ZNF493: variants seen among roughly 807,000 people sequenced by gnomAD.
ZNF493 encodes the protein zinc finger protein 493.
In ZNF493, 11 loss-of-function variants were observed where a neutral mutation model predicts 12.2. The ratio of observed to expected loss-of-function variants is 0.90; its 90% CI spans 0.57 to 1.50. The LOEUF is 1.50. Among genes scored for constraint, ZNF493 ranks in the 40% most tolerant of loss-of-function variants. The pLI is 0.00. For missense variants in ZNF493, 950 were observed against 906.6 expected (o/e 1.05, Z -0.61); for synonymous variants, 286 against 302.6 (o/e 0.95, Z 0.57).
chr19:21,402,564 G>T (rs967719211), intron 1 of ZNF493, among the ~76,000 whole-genome samples: 1 of 152,138 alleles, frequency 6.6e-6, no homozygotes, highest in Non-Finnish European at 1.5e-5. Flanking sequence ...CTTAGAATCT[G>T]CACATAGGGT....
At chr19:21,410,536 C>G (rs1041901666) in intron 3 of ZNF493, among the ~76,000 whole-genome samples, 1 of 151,956 alleles carries the variant, frequency 6.6e-6, no homozygotes, top group African/African-American at 2.4e-5. Context: ...ATTATTTGCT[C>G]ATCTATAAAT....
chr19:21,408,710 G>A (rs1040478180), intron 3 of ZNF493: 10 of 984,996 alleles, frequency 1.0e-5, no homozygotes, highest in African/African-American at 1.7e-5. Context: ...TTTTGGTTAT[G>A]TATTATAATT....
intron 3 of ZNF493, chr19:21,413,089 A>G (rs2030376232): frequency 6.9e-6 from 2 of 290,738 alleles, no homozygotes; most frequent in Non-Finnish European, 6.6e-6. Context: ...CCCTTAGGAG[A>G]CCAGCTAATA....
chr19:21,405,177 T>A lies in ZNF493; in HGVS notation c.79T>A (p.Trp27Arg), dbSNP rs1279561189. The change falls in exon 2 of 4, where the codon TGG becomes AGG. Residue 27 changes from tryptophan (W) to arginine (R), a missense_variant. Coordinates refer to ENST00000392288, the MANE Select transcript of ZNF493 (RefSeq NM_001076678.3). ...DVAIEFSLEE[W>R]QCLDTAQQDL... ...GGCCATAGAATTCTCTCTGGAGGAG[T>A]GGCAATGCCTGGACACTGCTCAGCA... 1.2e-6 allele frequency: 2 copies of A among 1,613,892 alleles called. No homozygotes were observed. Among genetic ancestry groups the A allele is most frequent in the Non-Finnish European group, 1.7e-6 (2 of 1,179,984 alleles).
In ZNF493 at chr19:21,423,087, A is replaced by G. The variant is rs778335464; in HGVS notation, c.428A>G (p.Asn143Ser). The G allele has an allele frequency of 2.8e-5, 45 of 1,613,652 alleles. No individual in the cohort carries two copies. Among genetic ancestry groups the G allele is most frequent in the Non-Finnish European group, 5.9e-6 (7 of 1,179,856 alleles). The change falls in exon 4 of 4, where the codon AAC becomes AGC. Residue 143 changes from asparagine to serine, a missense_variant. Physicochemically the swap from Asn to Ser is conservative, Grantham distance 46. Transcript: ENST00000392288. ...CACAAAGAAGGTTATAATGAACTAA[A>G]CCAGTATTTGACAACTACCCAGAGC... ...NVHKEGYNEL[N>S]QYLTTTQSKI...
At chr19:21,422,423 C>CTTTCTTTATTTA (rs1555731797) in intron 3 of ZNF493, among the ~76,000 whole-genome samples, 1 of 129,494 alleles carries the variant, frequency 7.7e-6, no homozygotes, top group Non-Finnish European at 1.6e-5. Flanking sequence ...CAAGTTACTT[C>CTTTCTTTATTTA]TTTATTTATT....
intron 3 of ZNF493, among the ~76,000 whole-genome samples, chr19:21,406,360 G>C (rs1336860260): frequency 6.7e-6 from 1 of 150,272 alleles, no homozygotes; most frequent in South Asian, 2.1e-4. Flanking sequence ...TTTTTTTGTT[G>C]TTCTTTTTCT....
intron 1 of ZNF493, among the ~76,000 whole-genome samples, chr19:21,403,671 T>TA (rs781281733): frequency 1.4e-4 from 21 of 152,176 alleles, no homozygotes; most frequent in Admixed American, 2.6e-4. Flanking sequence ...TTTTTTCAGC[T>TA]AAATATGTCT....
rs984699764 is a variant in ZNF493 at position 21,405,131 on chromosome 19, G to A, written c.33G>A (p.Gly11=). 1.2e-6 allele frequency: 2 copies of A among 1,612,440 alleles called. No individual in the cohort carries two copies. The highest frequency in any genetic ancestry group is 1.7e-6 in the Non-Finnish European group (2 of 1,179,484). The change falls in exon 2 of 4, where the codon GGG becomes GGA. Residue 11 remains glycine (G), a splice_region_variant and synonymous_variant. Coordinates refer to ENST00000392288, the MANE Select transcript of ZNF493 (RefSeq NM_001076678.3). The part of the protein sequence containing the change: MPGPPESLDM[G]PLTFRDVAIE... ...GTGTTTGTGTGTGTTTGTTTCAGGG[G>A]CCGTTGACATTTAGGGATGTGGCCA... is the stretch of plus-strand genomic sequence containing the variant.
At chr19:21,400,928 T>G (rs565012978) in intron 1 of ZNF493, among the ~76,000 whole-genome samples, 1 of 152,352 alleles carries the variant, frequency 6.6e-6, no homozygotes, top group East Asian at 1.9e-4. Flanking sequence ...CCTCTCTTCC[T>G]GTCTGAATGC....
chr19:21,399,690 G>T (rs1974230454), intron 1 of ZNF493, among the ~76,000 whole-genome samples: 1 of 152,090 alleles, frequency 6.6e-6, no homozygotes. Context: ...TTCCCAGAGT[G>T]AGTTTTTGAA....
chr19:21,413,473 T>C (rs1178091838), intron 3 of ZNF493: 1 of 404,994 alleles, frequency 2.5e-6, no homozygotes, highest in African/African-American at 2.0e-5. Flanking sequence ...CAGGTTTTCT[T>C]CCGCCATCTG....
intron 3 of ZNF493, 108 bp from the exon 4 acceptor site, chr19:21,422,805 C>A: frequency 1.1e-6 from 1 of 948,278 alleles, no homozygotes; most frequent in Non-Finnish European, 1.5e-6. Context: ...TGGTATTTTG[C>A]TATGCTATCT....
chr19:21,410,912 C>T (rs531311673), intron 3 of ZNF493, among the ~76,000 whole-genome samples: 2 of 152,092 alleles, frequency 1.3e-5, no homozygotes, highest in African/African-American at 4.8e-5. Context: ...CCTCCCTCAG[C>T]CTCCCAAGTA....
chr19:21,398,853 A>C (rs922520826), intron 1 of ZNF493: 14 of 155,478 alleles, frequency 9.0e-5, no homozygotes, highest in Non-Finnish European at 2.0e-4. Context: ...GGGCAGAAAA[A>C]TAGTGAAATT....
chr19:21,420,606 T>TATAATATAA (rs2030632353), intron 3 of ZNF493, among the ~76,000 whole-genome samples: 1 of 16,330 alleles, frequency 6.1e-5, no homozygotes, highest in African/African-American at 2.7e-4. Context: ...TATATATATA[T>TATAATATAA]ATATATATAT....
Position 21,426,968 on chromosome 19 carries a change from TAC to T in ZNF493, c.*1986_*1987del, listed in dbSNP as rs978217695. ...ATTATACTTTGTTTCTTGAAAAAAT[TAC>T]AGATTTTTTGAAAAGCAAATGATGT... On this transcript the variant is annotated 3_prime_UTR_variant, in exon 4 of 4. Transcript: ENST00000392288. 5 of 167,118 alleles carry T rather than the reference TAC, an allele frequency of 3.0e-5. No individual in the cohort carries two copies. Among genetic ancestry groups the T allele is most frequent in the Admixed American group, 6.5e-5 (1 of 15,294 alleles). The allele number at this position is 167,118 out of a possible 1,614,324, so 10.4% of individuals were successfully genotyped here.
intron 3 of ZNF493, chr19:21,408,177 G>GT: frequency 3.2e-6 from 3 of 944,268 alleles, no homozygotes; most frequent in Non-Finnish European, 3.7e-6. Flanking sequence ...CCTGGCTGGA[G>GT]TGCAGTGGTG....
chr19:21,414,436 A>C (rs1240323715), intron 3 of ZNF493: 1 of 152,238 alleles, frequency 6.6e-6, no homozygotes, highest in Non-Finnish European at 1.5e-5. Context: ...CTAGCATTAG[A>C]TATTGCGTTA....
Sources: allele counts gnomAD v4.1 joint callset (sites outside exome capture counted in the v4.1 genomes callset), GRCh38; gene constraint gnomAD v4.1.1; transcripts MANE v1.5; gene names NCBI Gene and HGNC (gene_info 2026-07-23, HGNC 2026-07-21).